DLG2: variants seen among roughly 807,000 people sequenced by gnomAD.
DLG2 encodes the protein disks large homolog 2.
Under a neutral mutation model 132.5 loss-of-function variants are expected in DLG2, and 45 were observed. That is an observed-to-expected ratio of 0.34 (90% confidence interval 0.27 to 0.44). The LOEUF is 0.44. Among genes scored for constraint, DLG2 ranks in the 20% least tolerant of loss-of-function variants. The pLI, the probability that DLG2 is intolerant of heterozygous loss-of-function variation, is 1.00. For missense variants in DLG2, 1,045 were observed against 1,196.9 expected (o/e 0.87, Z 1.87); for synonymous variants, 424 against 419.6 (o/e 1.01, Z -0.13).
intron 17 of DLG2, among the ~76,000 whole-genome samples, chr11:83,825,171 A>ATATT (rs1412625502): frequency 5.5e-5 from 4 of 72,608 alleles, no homozygotes; most frequent in Non-Finnish European, 7.7e-5. Flanking sequence ...ATATATATAT[A>ATATT]TTTTTTTTTT....
intron 3 of DLG2, among the ~76,000 whole-genome samples, chr11:85,466,820 A>T (rs2092807300): frequency 6.6e-6 from 1 of 152,128 alleles, no homozygotes; most frequent in South Asian, 2.1e-4. Flanking sequence ...TATGAACTTT[A>T]AAGTAGTGTT....
intron 6 of DLG2, among the ~76,000 whole-genome samples, chr11:84,893,356 G>C (rs915229343): frequency 6.6e-5 from 10 of 152,152 alleles, no homozygotes; most frequent in Non-Finnish European, 1.0e-4. Context: ...CCATCTCTGC[G>C]GGTGTGTGTA....
At chr11:85,348,678 C>T (rs1277756011) in intron 3 of DLG2, among the ~76,000 whole-genome samples, 1 of 152,072 alleles carries the variant, frequency 6.6e-6, no homozygotes, top group African/African-American at 2.4e-5. Flanking sequence ...ACTTTCCTTT[C>T]CTTGGAGATA....
chr11:85,184,595 C>T (rs1041947972), intron 4 of DLG2, among the ~76,000 whole-genome samples: 1 of 151,744 alleles, frequency 6.6e-6, no homozygotes, highest in Non-Finnish European at 1.5e-5. Flanking sequence ...TCATTTGGTA[C>T]AGTAAAGGTT....
At chr11:85,349,329 A>C (rs1407208551) in intron 3 of DLG2, among the ~76,000 whole-genome samples, 2 of 152,136 alleles carry the variant, frequency 1.3e-5, no homozygotes, top group African/African-American at 4.8e-5. Flanking sequence ...AAGAAACACT[A>C]AGTGCCTTCT....
intron 11 of DLG2, among the ~76,000 whole-genome samples, chr11:84,044,300 C>T (rs1049685522): frequency 1.3e-5 from 2 of 151,822 alleles, no homozygotes; most frequent in Non-Finnish European, 2.9e-5. Flanking sequence ...ACGCTTCTTT[C>T]TGGTTTTGAT....
At chr11:85,024,447 A>T (rs955741401) in intron 6 of DLG2, among the ~76,000 whole-genome samples, 1 of 152,224 alleles carries the variant, frequency 6.6e-6, no homozygotes, top group Admixed American at 6.5e-5. Context: ...AAACTGTGTG[A>T]CTTTTTTCCT....
chr11:83,768,614 C>T (rs922822441), intron 18 of DLG2, among the ~76,000 whole-genome samples: 2 of 152,154 alleles, frequency 1.3e-5, no homozygotes, highest in African/African-American at 4.8e-5. Context: ...AACAACTTGC[C>T]AGATTTAAGA....
At chr11:83,686,498 G>A (rs755227779) in intron 18 of DLG2, among the ~76,000 whole-genome samples, 2 of 152,006 alleles carry the variant, frequency 1.3e-5, no homozygotes, top group Non-Finnish European at 2.9e-5. Flanking sequence ...TGAGGCCAGG[G>A]TCGTTGTCTT....
chr11:83,824,585 C>T (rs2051926396), intron 17 of DLG2, among the ~76,000 whole-genome samples: 1 of 152,010 alleles, frequency 6.6e-6, no homozygotes, highest in South Asian at 2.1e-4. Flanking sequence ...AATTTATATC[C>T]AAAGACTAAA....
chr11:84,208,920 G>A (rs1402154944), intron 8 of DLG2, among the ~76,000 whole-genome samples: 2 of 152,140 alleles, frequency 1.3e-5, no homozygotes, highest in East Asian at 1.9e-4. Flanking sequence ...AGGAAGGTTA[G>A]AATAGAACTG....
chr11:84,075,362 G>C lies in DLG2; in HGVS notation c.750-15878C>G, dbSNP rs1415445027. 2.0e-5 allele frequency among the ~76,000 whole-genome samples: 3 copies of C among 152,104 alleles called. No homozygotes were observed. In the East Asian group the frequency reaches 5.8e-4, roughly 29 times the overall value. ...CTTAGAGTAGGAGCCTTGTCTGTCT[G>C]GTTGACCATTTTATCATTAATGCCT... On this transcript the variant is annotated intron_variant, in intron 10 of 27. Transcript: ENST00000376104.
At chr11:84,075,885 G>C (rs1315984876) in intron 10 of DLG2, among the ~76,000 whole-genome samples, 1 of 152,136 alleles carries the variant, frequency 6.6e-6, no homozygotes, top group Non-Finnish European at 1.5e-5. Context: ...CATAAAACCA[G>C]AGCCGGAACT....
At chr11:85,159,422 C>G (rs959110013) in intron 4 of DLG2, among the ~76,000 whole-genome samples, 1 of 152,234 alleles carries the variant, frequency 6.6e-6, no homozygotes, top group Non-Finnish European at 1.5e-5. Context: ...AGATCTCCCT[C>G]TACCTAGAAA....
intron 7 of DLG2, among the ~76,000 whole-genome samples, chr11:84,346,507 C>T (rs1045465385): frequency 2.6e-5 from 4 of 152,190 alleles, no homozygotes; most frequent in Non-Finnish European, 5.9e-5. Context: ...GGATTTGAAC[C>T]TAGATCTGAA....
At chr11:85,244,978 T>C (rs987847906) in intron 4 of DLG2, among the ~76,000 whole-genome samples, 3 of 151,948 alleles carry the variant, frequency 2.0e-5, no homozygotes, top group Non-Finnish European at 4.4e-5. Context: ...CTGGGCAACA[T>C]GGAATCATAG....
intron 22 of DLG2, 34 bp from the exon 23 acceptor site, chr11:83,472,811 T>TAACA: frequency 6.4e-7 from 1 of 1,573,076 alleles, no homozygotes; most frequent in Non-Finnish European, 8.7e-7. Context: ...CACAGTGAAC[T>TAACA]AACAGTCATA....
intron 20 of DLG2, among the ~76,000 whole-genome samples, chr11:83,537,398 T>G (rs1216528576): frequency 6.6e-6 from 1 of 152,164 alleles, no homozygotes; most frequent in Non-Finnish European, 1.5e-5. Context: ...CCCACATTAG[T>G]GGCCACAGGC....
At chr11:83,841,614 T>C (rs540171940) in intron 16 of DLG2, among the ~76,000 whole-genome samples, 1 of 152,300 alleles carries the variant, frequency 6.6e-6, no homozygotes, top group Admixed American at 6.5e-5. Flanking sequence ...CAAAACGACA[T>C]ACGTTGGCAT....
Sources: gnomAD v4.1 joint callset for allele counts (sites outside exome capture counted in the v4.1 genomes callset) on GRCh38, gnomAD v4.1.1 for gene constraint, MANE v1.5 for transcripts, NCBI Gene and HGNC (gene_info 2026-07-23, HGNC 2026-07-21) for gene names.